The following RBFOX1 variants were observed in gnomAD, a reference collection of about 807,000 sequenced individuals.
RBFOX1 encodes RNA binding fox-1 homolog 1, also known as RNA binding protein fox-1 homolog 1.
A neutral mutation model predicts 57.7 loss-of-function variants in RBFOX1; 8 were observed. The observed-to-expected ratio is 0.14, with a 90% CI of 0.08 to 0.25. The LOEUF (loss-of-function observed/expected upper bound fraction) is 0.25, where lower values mean the gene tolerates loss of function less well. Ranked by LOEUF, RBFOX1 falls within the 10% of genes least tolerant of loss-of-function variation. The pLI is 1.00. For missense variants in RBFOX1, 611 were observed against 548.5 expected, an observed-to-expected ratio of 1.11 and a Z score of -1.14; for synonymous variants, 326 against 222.4, an observed-to-expected ratio of 1.47 and a Z score of -4.15.
intron 3 of RBFOX1, among the ~76,000 whole-genome samples, chr16:5,821,030 C>G (rs2055833761): frequency 6.6e-6 from 1 of 152,070 alleles, no homozygotes; most frequent in Non-Finnish European, 1.5e-5. Context: ...CCTGATTTTC[C>G]CTCGTTTCCC....
intron 1 of RBFOX1, among the ~76,000 whole-genome samples, chr16:6,243,942 T>G (rs1369242592): frequency 6.6e-6 from 1 of 152,162 alleles, no homozygotes; most frequent in Non-Finnish European, 1.5e-5. Context: ...CCTTCAATGT[T>G]TAGTTGTATA....
chr16:6,548,510 T>A (rs1046116011), intron 2 of RBFOX1, among the ~76,000 whole-genome samples: 1 of 152,182 alleles, frequency 6.6e-6, no homozygotes, highest in Admixed American at 6.5e-5. Flanking sequence ...TTTCTTCAGT[T>A]CCAAGTGAAA....
At chr16:7,132,417 G>C (rs1311786505) in intron 4 of RBFOX1, among the ~76,000 whole-genome samples, 1 of 148,688 alleles carries the variant, frequency 6.7e-6, no homozygotes, top group Non-Finnish European at 1.5e-5. Context: ...AAAGGTTGAA[G>C]AAATTGTGAT....
At chr16:7,056,461 G>T (rs1487830675) in intron 4 of RBFOX1, among the ~76,000 whole-genome samples, 8 of 152,126 alleles carry the variant, frequency 5.3e-5, no homozygotes, top group African/African-American at 1.9e-4. Context: ...GTATTTACCA[G>T]CTTGTTCTAG....
At chr16:6,811,350 A>G (rs576577271) in intron 3 of RBFOX1, among the ~76,000 whole-genome samples, 1 of 152,230 alleles carries the variant, frequency 6.6e-6, no homozygotes. Context: ...TAAAAATATT[A>G]TGGGGTAGGA....
intron 1 of RBFOX1, among the ~76,000 whole-genome samples, chr16:6,167,168 G>A (rs1195056803): frequency 6.6e-6 from 1 of 152,246 alleles, no homozygotes; most frequent in Admixed American, 6.5e-5. Context: ...GGCAAAGGGT[G>A]TTGGATGGGA....
intron 4 of RBFOX1, among the ~76,000 whole-genome samples, chr16:7,118,741 C>T (rs1189487957): frequency 1.3e-5 from 2 of 152,002 alleles, no homozygotes; most frequent in Non-Finnish European, 1.5e-5. Context: ...GAGAAGAATC[C>T]TCAAGGATGC....
At chr16:7,358,909 A>T (rs1339351601) in intron 4 of RBFOX1, among the ~76,000 whole-genome samples, 1 of 152,094 alleles carries the variant, frequency 6.6e-6, no homozygotes, top group Non-Finnish European at 1.5e-5. Flanking sequence ...TCTGCCCTTG[A>T]CTCTCTAAGA....
At chr16:5,260,984 T>C (rs1428194000) in intron 1 of RBFOX1, 4 of 152,254 alleles carry the variant, frequency 2.6e-5, no homozygotes, top group Non-Finnish European at 5.9e-5. Flanking sequence ...ACCATTTGTT[T>C]CCTCTGGAGC....
intron 3 of RBFOX1, among the ~76,000 whole-genome samples, chr16:7,047,109 C>T (rs2048250301): frequency 6.7e-6 from 1 of 150,360 alleles, no homozygotes; most frequent in Admixed American, 6.6e-5. Context: ...AGTCCAGTCA[C>T]CTATTAACAT....
chr16:7,176,918 C>A (rs1282429453), intron 4 of RBFOX1, among the ~76,000 whole-genome samples: 2 of 152,022 alleles, frequency 1.3e-5, no homozygotes, highest in East Asian at 3.9e-4. Context: ...CATTTAAATG[C>A]CTCTAATCTC....
intron 2 of RBFOX1, among the ~76,000 whole-genome samples, chr16:6,635,869 G>C (rs2098426928): frequency 6.6e-6 from 1 of 152,124 alleles, no homozygotes; most frequent in Non-Finnish European, 1.5e-5. Flanking sequence ...AAATGTTCGA[G>C]ACCAGAGGTA....
chr16:7,148,581 A>G (rs947760026), intron 4 of RBFOX1, among the ~76,000 whole-genome samples: 6 of 152,082 alleles, frequency 3.9e-5, no homozygotes, highest in Admixed American at 6.5e-5. Context: ...GAGAATGGAG[A>G]TTTTCCAAGT....
At chr16:6,406,395 A>G (rs754824962) in intron 2 of RBFOX1, among the ~76,000 whole-genome samples, 1 of 152,212 alleles carries the variant, frequency 6.6e-6, no homozygotes, top group Non-Finnish European at 1.5e-5. Context: ...ACACTCTGCC[A>G]AAAGAACATA....
intron 3 of RBFOX1, among the ~76,000 whole-genome samples, chr16:6,783,612 T>C (rs1250759688): frequency 6.6e-6 from 1 of 152,114 alleles, no homozygotes; most frequent in African/African-American, 2.4e-5. Context: ...CAACAAATTG[T>C]TGTAGTTATT....
At chr16:5,951,980 C>G (rs2059529342) in intron 4 of RBFOX1, among the ~76,000 whole-genome samples, 2 of 150,806 alleles carry the variant, frequency 1.3e-5, no homozygotes, top group Admixed American at 6.6e-5. Flanking sequence ...ATTTGGGGGC[C>G]TCGCATATAT....
intron 3 of RBFOX1, among the ~76,000 whole-genome samples, chr16:6,781,649 T>C (rs1464290917): frequency 6.6e-6 from 1 of 152,162 alleles, no homozygotes; most frequent in Non-Finnish European, 1.5e-5. Context: ...GTTTCAATCT[T>C]TGTAGTTTTT....
intron 1 of RBFOX1, among the ~76,000 whole-genome samples, chr16:5,403,015 C>T (rs1282815614): frequency 6.6e-6 from 1 of 152,164 alleles, no homozygotes; most frequent in Non-Finnish European, 1.5e-5. Flanking sequence ...TGCATGCATG[C>T]ACACACGTAT....
At chr16:7,297,497 A>G (rs1219754926) in intron 4 of RBFOX1, among the ~76,000 whole-genome samples, 2 of 152,182 alleles carry the variant, frequency 1.3e-5, no homozygotes, top group Non-Finnish European at 2.9e-5. Context: ...GGGTTACTGA[A>G]ATCCTGTATG....
Sources: allele counts gnomAD v4.1 joint callset (sites outside exome capture counted in the v4.1 genomes callset), GRCh38; gene constraint gnomAD v4.1.1; transcripts MANE v1.5; gene names NCBI Gene and HGNC (gene_info 2026-07-23, HGNC 2026-07-21).